Variants in HS3ST4 observed in about 807,000 individuals in gnomAD.
HS3ST4 encodes the protein heparan sulfate-glucosamine 3-sulfotransferase 4, also known as heparan sulfate glucosamine 3-O-sulfotransferase 4.
Under a neutral mutation model 29.2 loss-of-function variants are expected in HS3ST4, and 17 were observed. The observed-to-expected ratio is 0.58, with a 90% confidence interval of 0.40 to 0.87. HS3ST4 has a LOEUF of 0.87. Ranked by LOEUF, HS3ST4 falls within the 40% of genes least tolerant of loss-of-function variation. The pLI is 0.00. For missense variants in HS3ST4, 627 were observed against 634.5 expected, an observed-to-expected ratio of 0.99 and a Z score of 0.13; for synonymous variants, 314 against 285.7, an observed-to-expected ratio of 1.10 and a Z score of -1.00.
At position 26,049,498 on chromosome 16, in the gene HS3ST4, G is replaced by A. The variant is rs987200269; in HGVS notation, c.735-86114G>A. On this transcript the variant is annotated intron_variant, in intron 1 of 1. Coordinates refer to ENST00000331351, the MANE Select transcript of HS3ST4 (RefSeq NM_006040.3). ...TGTGTGTGTGTGTGTGTGTGTGTATGTGTGTGTCCTTGAGCGGAAAAACAC... is the reference window on the plus strand; with the variant it reads ...TGTGTGTGTGTGTGTGTGTGTGTATATGTGTGTCCTTGAGCGGAAAAACAC... 8.1e-5 allele frequency among the ~76,000 whole-genome samples: 12 copies of A among 147,688 alleles called. No homozygotes were observed. The South Asian group carries it at 1.1e-3, about 13-fold the overall frequency.
chr16:25,897,281 C>G (rs1390708346), intron 1 of HS3ST4, among the ~76,000 whole-genome samples: 3 of 152,028 alleles, frequency 2.0e-5, no homozygotes, highest in African/African-American at 7.2e-5. Context: ...CGGTAAAGCC[C>G]CATCTCCACA....
Position 25,930,730 on chromosome 16 carries a change from A to G in HS3ST4, c.735-204882A>G, listed in dbSNP as rs577798344. On this transcript the variant is annotated intron_variant, in intron 1 of 1. Coordinates refer to ENST00000331351, the MANE Select transcript of HS3ST4 (RefSeq NM_006040.3). ...TGGTCCTCCTTAAATATTGACAAAG[A>G]TATATTAGCCACTCCAGATTTATGT... is the stretch of plus-strand genomic sequence containing the variant. Among the ~76,000 whole-genome samples, 3 of 152,202 alleles carry G rather than the reference A, an allele frequency of 2.0e-5. No homozygotes were observed. The East Asian group carries it at 5.8e-4, about 29-fold the overall frequency.
At chr16:25,831,720 C>G (rs1327242498) in intron 1 of HS3ST4, among the ~76,000 whole-genome samples, 3 of 152,078 alleles carry the variant, frequency 2.0e-5, no homozygotes, top group African/African-American at 7.2e-5. Flanking sequence ...GAAATCATTC[C>G]TGGCACATAG....
chr16:25,713,819 T>C (rs1966433633), intron 1 of HS3ST4, among the ~76,000 whole-genome samples: 1 of 152,124 alleles, frequency 6.6e-6, no homozygotes, highest in Non-Finnish European at 1.5e-5. Context: ...GAACAAATAC[T>C]GTGTGAGGAG....
chr16:25,824,135 A>T (rs1235083326), intron 1 of HS3ST4, among the ~76,000 whole-genome samples: 2 of 152,188 alleles, frequency 1.3e-5, no homozygotes, highest in Non-Finnish European at 2.9e-5. Flanking sequence ...GCCCTGGCTG[A>T]GTCAGGTGCC....
chr16:26,035,812 A>G (rs1273404502), intron 1 of HS3ST4, among the ~76,000 whole-genome samples: 4 of 152,232 alleles, frequency 2.6e-5, no homozygotes, highest in Non-Finnish European at 5.9e-5. Flanking sequence ...TCCTGGGTAC[A>G]TACTTAAAAC....
chr16:25,833,388 G>T (rs921639110), intron 1 of HS3ST4, among the ~76,000 whole-genome samples: 8 of 152,198 alleles, frequency 5.3e-5, no homozygotes, highest in Non-Finnish European at 1.0e-4. Context: ...AGGTGACTGG[G>T]ATTATGTTAT....
chr16:25,873,160 C>T (rs1967774199), intron 1 of HS3ST4, among the ~76,000 whole-genome samples: 1 of 151,954 alleles, frequency 6.6e-6, no homozygotes, highest in East Asian at 1.9e-4. Flanking sequence ...TCCATCCACC[C>T]ATCACCCACA....
At chr16:25,980,450 T>C (rs1968993125) in intron 1 of HS3ST4, among the ~76,000 whole-genome samples, 2 of 152,206 alleles carry the variant, frequency 1.3e-5, no homozygotes, top group African/African-American at 4.8e-5. Flanking sequence ...CTTGACACCC[T>C]GTACTCCCTG....
intron 1 of HS3ST4, among the ~76,000 whole-genome samples, chr16:26,121,069 G>A (rs115591605): frequency 0.013 from 1,979 of 152,262 alleles, 43 homozygotes; most frequent in African/African-American, 0.045. Flanking sequence ...TGATTGGAAT[G>A]GTGTAAAATT....
At chr16:25,874,753 A>G (rs905418183) in intron 1 of HS3ST4, among the ~76,000 whole-genome samples, 9 of 152,154 alleles carry the variant, frequency 5.9e-5, no homozygotes, top group African/African-American at 2.2e-4. Context: ...TAGATACTCA[A>G]TTAATATTTG....
intron 1 of HS3ST4, among the ~76,000 whole-genome samples, chr16:26,083,482 T>G (rs1452446739): frequency 6.6e-6 from 1 of 152,134 alleles, no homozygotes; most frequent in Non-Finnish European, 1.5e-5. Flanking sequence ...AGTCAACAAT[T>G]TTTTTTTCCA....
intron 1 of HS3ST4, among the ~76,000 whole-genome samples, chr16:26,120,091 G>GTGTA (rs1388105823): frequency 2.0e-5 from 3 of 150,650 alleles, no homozygotes; most frequent in African/African-American, 7.3e-5. Flanking sequence ...GTGTGTGTGT[G>GTGTA]TATATGTGTG....
At chr16:26,014,669 CG>C (rs1315894639) in intron 1 of HS3ST4, among the ~76,000 whole-genome samples, 1 of 152,190 alleles carries the variant, frequency 6.6e-6, no homozygotes, top group Non-Finnish European at 1.5e-5. Context: ...GTAAAGAACA[CG>C]ATCTTGATCT....
chr16:25,772,662 C>G (rs889775372), intron 1 of HS3ST4, among the ~76,000 whole-genome samples: 1 of 152,176 alleles, frequency 6.6e-6, no homozygotes, highest in Non-Finnish European at 1.5e-5. Context: ...GTCAGTGGAG[C>G]TCAGAAAGGC....
chr16:25,900,007 A>C (rs1285131528), intron 1 of HS3ST4, among the ~76,000 whole-genome samples: 4 of 152,186 alleles, frequency 2.6e-5, no homozygotes, highest in Non-Finnish European at 5.9e-5. Flanking sequence ...TGGTTAAATA[A>C]ATCATAAATG....
chr16:25,952,489 C>G (rs568155396), intron 1 of HS3ST4, among the ~76,000 whole-genome samples: 1 of 152,304 alleles, frequency 6.6e-6, no homozygotes, highest in Non-Finnish European at 1.5e-5. Context: ...TGGTGTTATT[C>G]TTTACGAGCT....
chr16:25,972,210 CTG>C (rs1968905147), intron 1 of HS3ST4, among the ~76,000 whole-genome samples: 1 of 152,164 alleles, frequency 6.6e-6, no homozygotes, highest in Non-Finnish European at 1.5e-5. Context: ...AGCTATTGCT[CTG>C]TAACAGGCGG....
At chr16:25,947,863 G>T (rs1187266921) in intron 1 of HS3ST4, among the ~76,000 whole-genome samples, 1 of 152,062 alleles carries the variant, frequency 6.6e-6, no homozygotes, top group East Asian at 1.9e-4. Context: ...TTCCAGCTGT[G>T]CAAGTGTGGG....
Sources: allele counts gnomAD v4.1 joint callset (sites outside exome capture counted in the v4.1 genomes callset), GRCh38; gene constraint gnomAD v4.1.1; transcripts MANE v1.5; gene names NCBI Gene and HGNC (gene_info 2026-07-23, HGNC 2026-07-21).